The following PLCB4 variants were observed in gnomAD, a reference collection of about 807,000 sequenced individuals.
The protein encoded by PLCB4 is 1-phosphatidylinositol 4,5-bisphosphate phosphodiesterase beta-4.
PLCB4 carries 77 observed loss-of-function variants against 178.8 expected under a neutral mutation model. The observed-to-expected ratio is 0.43, with a 90% CI of 0.36 to 0.52. PLCB4 has a LOEUF of 0.52. Ranked by LOEUF, PLCB4 falls within the 20% of genes least tolerant of loss-of-function variation. The pLI is 0.00. For synonymous variants in PLCB4, 496 were observed against 490.8 expected, an observed-to-expected ratio of 1.01 and a Z score of -0.14; for missense variants, 1,024 against 1,453.4, an observed-to-expected ratio of 0.70 and a Z score of 4.80.
chr20:9,073,776 T>C (rs2089688298), intron 1 of PLCB4, among the ~76,000 whole-genome samples: 1 of 151,946 alleles, frequency 6.6e-6, no homozygotes, highest in Non-Finnish European at 1.5e-5. Context: ...TAATCCTAGC[T>C]ACTTGGAAGG....
intron 26 of PLCB4, among the ~76,000 whole-genome samples, chr20:9,420,143 A>G (rs1256305637): frequency 1.3e-5 from 2 of 152,194 alleles, no homozygotes; most frequent in African/African-American, 4.8e-5. Flanking sequence ...CCATTTATAC[A>G]AAATTCTAGA....
At position 9,407,920 on chromosome 20, in the gene PLCB4, C is replaced by T; in HGVS notation, c.1651C>T (p.Leu551=). 4 of 1,611,854 alleles carry T rather than the reference C, an allele frequency of 2.5e-6. No homozygotes were observed. The highest frequency in any genetic ancestry group is 3.4e-6 in the Non-Finnish European group (4 of 1,179,182). The part of the protein sequence containing the change: ...DLEHENNKKG[L]VTVEDEQAWM... ...GTTTTCTTCCTTGTGCTTGTAGGGC[C>T]TGGTCACTGTAGAAGATGAGCAGGC... Residue 551 remains leucine, a synonymous_variant, in exon 22 of 40, where the codon CTG becomes TTG. Coordinates refer to ENST00000378473, the MANE Select transcript of PLCB4 (RefSeq NM_001377142.1).
At chr20:9,197,838 G>A (rs2093491284) in intron 2 of PLCB4, among the ~76,000 whole-genome samples, 1 of 152,226 alleles carries the variant, frequency 6.6e-6, no homozygotes, top group African/African-American at 2.4e-5. Flanking sequence ...AGCTGGGCAT[G>A]GTGGTGGGCA....
chr20:9,297,112 C>T (rs888155474), intron 3 of PLCB4, among the ~76,000 whole-genome samples: 1 of 151,838 alleles, frequency 6.6e-6, no homozygotes, highest in African/African-American at 2.4e-5. Flanking sequence ...AAGAGAAAAA[C>T]CCAGTTAGAT....
At chr20:9,424,040 C>G (rs1385805008) in intron 28 of PLCB4, 88 bp downstream of exon 28, 3 of 883,522 alleles carry the variant, frequency 3.4e-6, no homozygotes, top group Non-Finnish European at 5.4e-6. Flanking sequence ...CTTTAAAAAA[C>G]AATAAAAATA....
intron 14 of PLCB4, among the ~76,000 whole-genome samples, chr20:9,387,164 G>A (rs748732201): frequency 1.3e-5 from 2 of 151,744 alleles, no homozygotes; most frequent in African/African-American, 2.4e-5. Flanking sequence ...CACCACGCCC[G>A]GCCCCCAAAT....
intron 2 of PLCB4, among the ~76,000 whole-genome samples, chr20:9,129,198 T>A (rs1392981824): frequency 6.6e-6 from 1 of 152,172 alleles, no homozygotes; most frequent in African/African-American, 2.4e-5. Context: ...AATTTCCAAC[T>A]GCCTGCATCT....
At chr20:9,443,209 A>G (rs2042215635) in intron 30 of PLCB4, among the ~76,000 whole-genome samples, 1 of 152,248 alleles carries the variant, frequency 6.6e-6, no homozygotes, top group African/African-American at 2.4e-5. Flanking sequence ...GCTGTGCTCA[A>G]TAGCACATTG....
At chr20:9,324,677 G>A (rs112751106) in intron 4 of PLCB4, among the ~76,000 whole-genome samples, 3,445 of 152,202 alleles carry the variant, frequency 0.023, 149 homozygotes, top group African/African-American at 0.077. Context: ...TCTCTAGGTG[G>A]TAGCAGTGGT....
chr20:9,069,875 AACTGCCC>A (rs2089477876), intron 1 of PLCB4, among the ~76,000 whole-genome samples: 1 of 152,192 alleles, frequency 6.6e-6, no homozygotes, highest in African/African-American at 2.4e-5. Context: ...AGAGAAATAC[AACTGCCC>A]ACTATAGTTT....
chr20:9,462,527 T>A (rs924074614), intron 35 of PLCB4, among the ~76,000 whole-genome samples: 5 of 152,142 alleles, frequency 3.3e-5, no homozygotes, highest in African/African-American at 1.2e-4. Flanking sequence ...GAAAAAAGGC[T>A]AGATGAATGG....
intron 3 of PLCB4, among the ~76,000 whole-genome samples, chr20:9,271,099 G>A (rs1215863313): frequency 2.0e-5 from 3 of 152,080 alleles, no homozygotes; most frequent in African/African-American, 7.2e-5. Flanking sequence ...AGGCCTTATT[G>A]GGCAGAATGT....
chr20:9,402,916 A>G (rs73248716), intron 20 of PLCB4, among the ~76,000 whole-genome samples: 6,030 of 152,302 alleles, frequency 0.04, 403 homozygotes, highest in African/African-American at 0.13. Flanking sequence ...AGGTGTTCAT[A>G]TAGCATTGCC....
At chr20:9,106,637 A>G (rs1005709002) in intron 2 of PLCB4, among the ~76,000 whole-genome samples, 10 of 152,080 alleles carry the variant, frequency 6.6e-5, no homozygotes, top group African/African-American at 2.4e-4. Flanking sequence ...CAATTTCTGG[A>G]CCTATCTCAG....
At chr20:9,090,619 T>G (rs1022829751) in intron 1 of PLCB4, among the ~76,000 whole-genome samples, 1 of 151,522 alleles carries the variant, frequency 6.6e-6, no homozygotes, top group African/African-American at 2.4e-5. Context: ...TAACCTGAAA[T>G]GGCAGAGTAA....
intron 3 of PLCB4, among the ~76,000 whole-genome samples, chr20:9,287,619 G>A (rs186080498): frequency 6.6e-6 from 1 of 152,126 alleles, no homozygotes; most frequent in East Asian, 1.9e-4. Flanking sequence ...TTAATATCGA[G>A]TCATGCCAAA....
At chr20:9,451,772 A>T (rs543888751) in intron 32 of PLCB4, among the ~76,000 whole-genome samples, 35 of 152,156 alleles carry the variant, frequency 2.3e-4, no homozygotes, top group Non-Finnish European at 4.3e-4. Context: ...CACACATTTG[A>T]TACATTAGAT....
chr20:9,190,863 T>C (rs1223525884), intron 2 of PLCB4, among the ~76,000 whole-genome samples: 1 of 152,174 alleles, frequency 6.6e-6, no homozygotes, highest in Non-Finnish European at 1.5e-5. Flanking sequence ...TCATGGAGCT[T>C]GGTTAATTGC....
At chr20:9,468,538 C>T (rs200338174) in intron 35 of PLCB4, 33 bp from the exon 36 acceptor site, 2 of 1,292,146 alleles carry the variant, frequency 1.5e-6, no homozygotes, top group Non-Finnish European at 2.3e-6. Flanking sequence ...TCCATCCCCC[C>T]TCCCTGTTTG....
Sources: allele counts gnomAD v4.1 joint callset (sites outside exome capture counted in the v4.1 genomes callset), GRCh38; gene constraint gnomAD v4.1.1; transcripts MANE v1.5; gene names NCBI Gene and HGNC (gene_info 2026-07-23, HGNC 2026-07-21).